The following MGAT5B variants were observed in gnomAD, a reference collection of about 807,000 sequenced individuals.
MGAT5B encodes the protein N-acetylglucosaminyl-transferase Vb.
MGAT5B carries 54 observed loss-of-function variants against 95.1 expected under a neutral mutation model. The ratio of observed to expected loss-of-function variants is 0.57; its 90% CI spans 0.46 to 0.71. The LOEUF (loss-of-function observed/expected upper bound fraction) is 0.71. MGAT5B is among the 30% of genes least tolerant of loss of function. The probability of loss-of-function intolerance (pLI) is 0.00; values close to 1 mark genes in which losing one functional copy is unlikely to be tolerated. For missense variants in MGAT5B, 935 were observed against 1,088.6 expected, an observed-to-expected ratio of 0.86 and a Z score of 1.99; for synonymous variants, 464 against 451.0, an observed-to-expected ratio of 1.03 and a Z score of -0.36.
intron 2 of MGAT5B, 109 bp from the exon 3 acceptor site, chr17:76,882,042 G>T: frequency 8.5e-7 from 1 of 1,183,126 alleles, no homozygotes; most frequent in Non-Finnish European, 1.2e-6. Flanking sequence ...GTGTTGGTTG[G>T]TGCTGGGGGA....
intron 3 of MGAT5B, among the ~76,000 whole-genome samples, chr17:76,883,975 T>C (rs1467031488): frequency 2.6e-5 from 4 of 152,218 alleles, no homozygotes; most frequent in Non-Finnish European, 5.9e-5. Context: ...CTGCTGGCCA[T>C]GGGGCCAACC....
Position 76,872,576 on chromosome 17 carries a change from G to A in MGAT5B, c.69-275G>A, listed in dbSNP as rs367925899. 5.4e-5 allele frequency: 69 copies of A among 1,279,078 alleles called. 1 individual carries two copies. The highest frequency in any genetic ancestry group is 4.6e-4 in the East Asian group (18 of 39,172). The allele number at this position is 1,279,078 out of a possible 1,614,324, so 79.2% of individuals were successfully genotyped here. A position where few individuals can be genotyped will look rare whatever the true frequency, so the allele number is the denominator to read the frequency against. On this transcript the variant is annotated intron_variant, in intron 1 of 17. Transcript: ENST00000569840. ...GCTGTTAATGAACCAGCTCTGCCTG[G>A]AGGCTAGAGCCCGCCTGCCTCATGC... is the stretch of plus-strand genomic sequence containing the variant.
At chr17:76,926,885 A>G (rs1044773028) in intron 10 of MGAT5B, among the ~76,000 whole-genome samples, 155 bp downstream of exon 10, 3 of 152,070 alleles carry the variant, frequency 2.0e-5, no homozygotes, top group Non-Finnish European at 4.4e-5. Context: ...CTCCTGCTCC[A>G]TAAGTGTGTG....
rs1253350909 is a variant in MGAT5B at position 76,889,153 on chromosome 17, C to CAGATGCAGTGAGA, written c.329+6864_329+6876dup. Among the ~76,000 whole-genome samples the CAGATGCAGTGAGA allele has an allele frequency of 5.3e-4, 81 of 152,324 alleles. No homozygotes were observed. The highest frequency in any genetic ancestry group is 1.9e-3 in the African/African-American group (78 of 41,558). On this transcript the variant is annotated intron_variant, in intron 3 of 17. Transcript: ENST00000569840. This position sits in a 1 kb window ranked among gnomAD's most constrained non-coding sequence, Gnocchi z 4.4. ...ATGCCAGGTACACCGAGCTGTTTTG[C>CAGATGCAGTGAGA]AGATGCAGTGAGAAGATGCAGGGCT...
At chr17:76,887,241 A>G (rs1967666827) in intron 3 of MGAT5B, among the ~76,000 whole-genome samples, 1 of 151,960 alleles carries the variant, frequency 6.6e-6, no homozygotes, top group Admixed American at 6.6e-5. Context: ...CTCAGGCTGT[A>G]TCAGTGCCAT....
At chr17:76,910,942 A>G (rs1426948865) in intron 8 of MGAT5B, among the ~76,000 whole-genome samples, 1 of 152,236 alleles carries the variant, frequency 6.6e-6, no homozygotes, top group Non-Finnish European at 1.5e-5. Flanking sequence ...CAATTTAAAA[A>G]CAACTAAAAG....
In MGAT5B at chr17:76,869,379, G is replaced by T. The variant is rs1966909965; in HGVS notation, c.68+282G>T. On this transcript the variant is annotated intron_variant, in intron 1 of 17. Transcript: ENST00000569840. This position sits in a 1 kb window ranked among gnomAD's most constrained non-coding sequence, Gnocchi z 7.0. ...TGGGGGCAGAAAACCCCCAGGTCGT[G>T]GTCCTGGGCCCAGAAAGTTGCCCCA... 2.6e-5 allele frequency among the ~76,000 whole-genome samples: 4 copies of T among 152,042 alleles called. No individual in the cohort carries two copies. The highest frequency in any genetic ancestry group is 2.1e-4 in the South Asian group (1 of 4,826).
chr17:76,906,551 C>G lies in MGAT5B; in HGVS notation c.1025+364C>G, dbSNP rs2145196473. Among the ~76,000 whole-genome samples the G allele has an allele frequency of 6.6e-6, 1 of 152,326 alleles. No homozygotes were observed. The highest frequency in any genetic ancestry group is 1.9e-4 in the East Asian group (1 of 5,176). Reference sequence around the variant, plus strand: ...GGAAGGCTTGGTTTCTCTTCTGAACCTGGGCTCCTTCTTGGGTCTACTTTA... The same window carrying G: ...GGAAGGCTTGGTTTCTCTTCTGAACGTGGGCTCCTTCTTGGGTCTACTTTA... On this transcript the variant is annotated intron_variant, in intron 8 of 17. Coordinates refer to ENST00000569840, the MANE Select transcript of MGAT5B (RefSeq NM_001199172.2). The surrounding 1 kb of genome is among the most constrained non-coding windows in gnomAD (Gnocchi z 4.6).
chr17:76,940,596 G>C lies in MGAT5B; in HGVS notation c.1731+48G>C. 1.3e-6 allele frequency: 2 copies of C among 1,587,104 alleles called. No homozygotes were observed. The highest frequency in any genetic ancestry group is 2.7e-5 in the African/African-American group (2 of 74,606). On this transcript the variant is annotated intron_variant, in intron 14 of 17. Coordinates refer to ENST00000569840, the MANE Select transcript of MGAT5B (RefSeq NM_001199172.2). The surrounding 1 kb of genome is among the most constrained non-coding windows in gnomAD (Gnocchi z 4.3). ...CCCGATCAGGAGGGGCCGGGACAGA[G>C]ACCCCTGCAGGTCCTGGAAGAGGCA...
At chr17:76,904,173 T>TG (rs1383463611) in intron 5 of MGAT5B, 79 bp from the exon 6 acceptor site, 8 of 1,430,882 alleles carry the variant, frequency 5.6e-6, no homozygotes, top group South Asian at 4.0e-5. Flanking sequence ...TCAGGACCCC[T>TG]GGGGGTGCAC....
At chr17:76,909,651 C>T (rs894909588) in intron 8 of MGAT5B, among the ~76,000 whole-genome samples, 5 of 152,176 alleles carry the variant, frequency 3.3e-5, no homozygotes, top group East Asian at 3.8e-4. Context: ...TGCCTTTCTT[C>T]GCTGCAACTC....
intron 12 of MGAT5B, among the ~76,000 whole-genome samples, chr17:76,936,390 A>G (rs571440653): frequency 6.6e-6 from 1 of 152,344 alleles, no homozygotes; most frequent in East Asian, 1.9e-4. Context: ...CCTGGGCGAC[A>G]GAGGGAGACT....
intron 3 of MGAT5B, among the ~76,000 whole-genome samples, chr17:76,892,311 G>T (rs988750465): frequency 6.6e-5 from 10 of 152,266 alleles, no homozygotes; most frequent in Admixed American, 6.5e-4. Flanking sequence ...GCCTCCCAAA[G>T]TGTTGGGATT....
At position 76,918,617 on chromosome 17, in the gene MGAT5B, C is replaced by G. The variant is rs563918221; in HGVS notation, c.1026-6349C>G. ...ACCTCTGAGTTTCTTCTTTCTGCCCCCATCTGGTCTGTCAGGGACCAGACA... is the reference window on the plus strand; with the variant it reads ...ACCTCTGAGTTTCTTCTTTCTGCCCGCATCTGGTCTGTCAGGGACCAGACA... On this transcript the variant is annotated intron_variant, in intron 8 of 17. Transcript: ENST00000569840. This position sits in a 1 kb window ranked among gnomAD's most constrained non-coding sequence, Gnocchi z 5.1. Among the ~76,000 whole-genome samples, 284 of 152,288 alleles carry G rather than the reference C, an allele frequency of 1.9e-3. 3 individuals are homozygous for G. Among genetic ancestry groups the G allele is most frequent in the Non-Finnish European group, 2.6e-4 (18 of 68,024 alleles).
At chr17:76,899,305 C>T (rs918772393) in intron 3 of MGAT5B, among the ~76,000 whole-genome samples, 1 of 152,158 alleles carries the variant, frequency 6.6e-6, no homozygotes, top group Non-Finnish European at 1.5e-5. Context: ...CAGCTCTGAG[C>T]CTGCAGCAGT....
At chr17:76,927,730 C>T (rs528734772) in intron 10 of MGAT5B, among the ~76,000 whole-genome samples, 3 of 152,374 alleles carry the variant, frequency 2.0e-5, no homozygotes, top group East Asian at 1.9e-4. Context: ...GTCTGGTTCA[C>T]GCTGCGCTCT....
chr17:76,913,639 G>A (rs751475756), intron 8 of MGAT5B: 2 of 495,272 alleles, frequency 4.0e-6, no homozygotes, highest in East Asian at 5.7e-5. Context: ...ACAGACTTGG[G>A]AAATATCAAC....
intron 3 of MGAT5B, among the ~76,000 whole-genome samples, chr17:76,885,118 G>A (rs1967575551): frequency 6.6e-6 from 1 of 152,154 alleles, no homozygotes. Context: ...GGGAAGCAGT[G>A]AGGCCGTGGT....
At chr17:76,894,697 A>G (rs1285771043) in intron 3 of MGAT5B, among the ~76,000 whole-genome samples, 1 of 152,042 alleles carries the variant, frequency 6.6e-6, no homozygotes, top group Non-Finnish European at 1.5e-5. Flanking sequence ...TCTACTAAAA[A>G]TACAAAAATT....
Sources: allele counts gnomAD v4.1 joint callset (sites outside exome capture counted in the v4.1 genomes callset), GRCh38; gene constraint gnomAD v4.1.1; non-coding constraint Gnocchi (gnomAD v3.1); transcripts MANE v1.5; gene names NCBI Gene and HGNC (gene_info 2026-07-23, HGNC 2026-07-21).